The following PSD3 variants were observed in gnomAD, a reference collection of about 807,000 sequenced individuals.
PSD3 encodes the protein pleckstrin and Sec7 domain containing 3, also known as PH and SEC7 domain-containing protein 3.
A neutral mutation model predicts 105.5 loss-of-function variants in PSD3; 49 were observed. The ratio of observed to expected loss-of-function variants is 0.46; its 90% CI spans 0.37 to 0.59. PSD3 has a LOEUF of 0.59. Among genes scored for constraint, PSD3 ranks in the 20% least tolerant of loss-of-function variants. PSD3 has a pLI of 0.00. For missense variants in PSD3, 1,561 were observed against 1,263.8 expected, an observed-to-expected ratio of 1.24 and a Z score of -3.57; for synonymous variants, 557 against 457.8, an observed-to-expected ratio of 1.22 and a Z score of -2.77.
At chr8:18,668,840 C>G (rs1229029108) in intron 9 of PSD3, among the ~76,000 whole-genome samples, 1 of 152,142 alleles carries the variant, frequency 6.6e-6, no homozygotes, top group Non-Finnish European at 1.5e-5. Context: ...GCCTAGAAAT[C>G]AGAGTTAATA....
At chr8:18,572,818 G>A (rs1802224625) in intron 13 of PSD3, 146 bp from the exon 14 acceptor site, 1 of 882,274 alleles carries the variant, frequency 1.1e-6, no homozygotes, top group Non-Finnish European at 1.7e-6. Flanking sequence ...AACTTCATTA[G>A]AGATGAACAT....
At chr8:18,923,391 C>A (rs1294801670) in intron 2 of PSD3, among the ~76,000 whole-genome samples, 5 of 152,120 alleles carry the variant, frequency 3.3e-5, no homozygotes, top group Non-Finnish European at 5.9e-5. Context: ...AAAAGACATA[C>A]CACTTTGAAA....
intron 9 of PSD3, among the ~76,000 whole-genome samples, chr8:18,726,090 G>C (rs1185857579): frequency 1.3e-5 from 2 of 152,146 alleles, no homozygotes; most frequent in African/African-American, 4.8e-5. Context: ...AAAGACAGAA[G>C]ACAAACACAA....
At chr8:18,605,722 G>A (rs535405591) in intron 11 of PSD3, among the ~76,000 whole-genome samples, 4 of 152,088 alleles carry the variant, frequency 2.6e-5, no homozygotes, top group Non-Finnish European at 4.4e-5. Flanking sequence ...CCTGGTGGGA[G>A]GTAATTGGAT....
chr8:18,544,599 C>G (rs1800349038), intron 15 of PSD3, among the ~76,000 whole-genome samples: 2 of 152,196 alleles, frequency 1.3e-5, no homozygotes, highest in South Asian at 4.2e-4. Context: ...TTCATTCTCC[C>G]TTTCTGCCCT....
At chr8:18,725,239 A>T (rs1652065409) in intron 9 of PSD3, among the ~76,000 whole-genome samples, 1 of 152,154 alleles carries the variant, frequency 6.6e-6, no homozygotes, top group African/African-American at 2.4e-5. Context: ...TTTATTTTTT[A>T]GGAAACTTAG....
chr8:19,032,388 A>G (rs1184923466), intron 1 of PSD3, among the ~76,000 whole-genome samples: 1 of 152,106 alleles, frequency 6.6e-6, no homozygotes, highest in Non-Finnish European at 1.5e-5. Flanking sequence ...CACTCCTGTA[A>G]TCCCAGCACT....
At position 18,663,413 on chromosome 8, in the gene PSD3, G is replaced by T. The variant is rs139355066; in HGVS notation, c.2173-7728C>A. On this transcript the variant is annotated intron_variant, in intron 9 of 15. Transcript: ENST00000327040. ...TGCACTCCAGCCTGGGCGACAGAAT[G>T]AGACTTTGTCTCAAAAAACCAAAAA... Among the ~76,000 whole-genome samples, 732 of 150,442 alleles carry T rather than the reference G, an allele frequency of 4.9e-3. 6 individuals are homozygous for T. Among genetic ancestry groups the T allele is most frequent in the African/African-American group, 0.017 (707 of 40,944 alleles).
At chr8:18,784,809 C>G (rs335238) in intron 8 of PSD3, among the ~76,000 whole-genome samples, 19,610 of 152,098 alleles carry the variant, frequency 0.13, 1,772 homozygotes, top group East Asian at 0.34. Flanking sequence ...GATGTACTTG[C>G]CAACCTCAAA....
intron 10 of PSD3, among the ~76,000 whole-genome samples, chr8:18,647,804 T>C (rs1808160812): frequency 6.6e-6 from 1 of 152,204 alleles, no homozygotes; most frequent in Non-Finnish European, 1.5e-5. Flanking sequence ...CCTTTAGTAC[T>C]GTTCTCATGA....
chr8:18,727,292 G>C (rs987454346), intron 9 of PSD3, among the ~76,000 whole-genome samples: 1 of 134,970 alleles, frequency 7.4e-6, no homozygotes, highest in South Asian at 2.4e-4. Context: ...AGCCGAGATC[G>C]CACTACTGCA....
intron 9 of PSD3, among the ~76,000 whole-genome samples, chr8:18,702,196 C>T (rs1024966684): frequency 4.6e-5 from 7 of 152,208 alleles, no homozygotes; most frequent in African/African-American, 1.7e-4. Context: ...GGTCTTTCTA[C>T]ATGTTTAAGA....
chr8:18,856,467 C>T (rs1053706718), intron 4 of PSD3, among the ~76,000 whole-genome samples: 3 of 152,286 alleles, frequency 2.0e-5, no homozygotes, highest in African/African-American at 7.2e-5. Flanking sequence ...AGGCCTGTAG[C>T]GAAGTATAAC....
At chr8:18,655,790 C>G in intron 9 of PSD3, 105 bp from the exon 10 acceptor site, 1 of 1,064,534 alleles carries the variant, frequency 9.4e-7, no homozygotes. Flanking sequence ...AGGCACGAAG[C>G]CCCCCTTGTC....
At chr8:18,890,078 T>C (rs773969249) in intron 2 of PSD3, among the ~76,000 whole-genome samples, 4 of 152,208 alleles carry the variant, frequency 2.6e-5, no homozygotes, top group Admixed American at 6.6e-5. Context: ...ACTGACTGCA[T>C]GATATCGAGT....
At chr8:18,550,592 A>G (rs888565584) in intron 15 of PSD3, among the ~76,000 whole-genome samples, 15 of 152,100 alleles carry the variant, frequency 9.9e-5, no homozygotes, top group African/African-American at 3.4e-4. Flanking sequence ...CCTACCTTAA[A>G]TGTGCTCAGA....
intron 14 of PSD3, among the ~76,000 whole-genome samples, chr8:18,569,475 G>C (rs927364119): frequency 2.0e-5 from 3 of 149,670 alleles, no homozygotes; most frequent in Middle Eastern, 3.2e-3. Context: ...CAAACAGAGA[G>C]CCAAATCATG....
At chr8:19,024,682 C>A (rs1205754692) in intron 1 of PSD3, among the ~76,000 whole-genome samples, 1 of 152,062 alleles carries the variant, frequency 6.6e-6, no homozygotes, top group Non-Finnish European at 1.5e-5. Flanking sequence ...GAACTTTCAG[C>A]CACACAACCG....
chr8:18,981,422 G>A (rs1825247563), intron 1 of PSD3, among the ~76,000 whole-genome samples: 1 of 152,142 alleles, frequency 6.6e-6, no homozygotes, highest in African/African-American at 2.4e-5. Flanking sequence ...TTACTAGTGG[G>A]TGACCTTGGA....
Sources: allele counts gnomAD v4.1 joint callset (sites outside exome capture counted in the v4.1 genomes callset), GRCh38; gene constraint gnomAD v4.1.1; transcripts MANE v1.5; gene names NCBI Gene and HGNC (gene_info 2026-07-23, HGNC 2026-07-21).